Variants in XAB2 observed in about 807,000 individuals in gnomAD.
XAB2 encodes the protein XPA binding protein 2.
Under a neutral mutation model 113.4 loss-of-function variants are expected in XAB2, and 57 were observed. The observed-to-expected ratio is 0.50, with a 90% CI of 0.41 to 0.63. The LOEUF (loss-of-function observed/expected upper bound fraction) is 0.63, where lower values mean the gene tolerates loss of function less well. XAB2 is among the 20% of genes least tolerant of loss of function. The pLI is 0.00. For missense variants in XAB2, 1,037 were observed against 1,233.3 expected (o/e 0.84, Z 2.38); for synonymous variants, 497 against 498.8 (o/e 1.00, Z 0.05).
rs1400254631 is a variant in XAB2, at chr19:7,628,889, CAGG to C, written c.51+585_51+587del. 9.9e-5 allele frequency among the ~76,000 whole-genome samples: 15 copies of C among 152,220 alleles called. No individual in the cohort carries two copies. ...AATTAAAAGCTAGGCCTTTATCTCA[CAGG>C]AGGAGTTATACACCAGAAGCCAAGC... On this transcript the variant is annotated intron_variant, in intron 1 of 18. Coordinates refer to ENST00000358368, the MANE Select transcript of XAB2 (RefSeq NM_020196.3). This position sits in a 1 kb window ranked among gnomAD's most constrained non-coding sequence, Gnocchi z 4.6.
intron 12 of XAB2, chr19:7,621,643 C>G (rs890002690): frequency 1.8e-5 from 6 of 337,506 alleles, no homozygotes; most frequent in African/African-American, 1.0e-4. Context: ...CAGGCAGTAG[C>G]ACGCGTATGC....
chr19:7,622,934 C>T lies in XAB2; in HGVS notation c.1240-41G>A, dbSNP rs754670246. On this transcript the variant is annotated intron_variant, in intron 9 of 18. Coordinates refer to ENST00000358368, the MANE Select transcript of XAB2 (RefSeq NM_020196.3). ...GAGGCGAGGCTGAGACCCTGCCCAC[C>T]TGGACAGCTCCCACCATCAAGGGTC... 4 of 1,604,308 alleles carry T rather than the reference C, an allele frequency of 2.5e-6. No homozygotes were observed. In the Admixed American group the frequency reaches 5.1e-5, roughly 21 times the overall value.
rs568905612 is a variant in XAB2, at chr19:7,624,365, C to G, written c.903G>C (p.Gln301His). 6.8e-6 allele frequency: 11 copies of G among 1,614,210 alleles called. No homozygotes were observed. In the African/African-American group the frequency reaches 1.3e-4, roughly 20 times the overall value. Residue 301 changes from glutamine to histidine, a missense_variant, in exon 7 of 19, where the codon CAG becomes CAC. Coordinates refer to ENST00000358368, the MANE Select transcript of XAB2 (RefSeq NM_020196.3). The surrounding 1 kb of genome is among the most constrained non-coding windows in gnomAD (Gnocchi z 4.2). ...TTGCAGCGATCATGCTCTCCTCGAA[C>G]TGGGCGTAGCTGTCAAACACCTGTG... ...DFTQVFDSYA[Q>H]FEESMIAAKM...
Position 7,622,518 on chromosome 19 carries a change from C to T in XAB2, c.1503+12G>A. On this transcript the variant is annotated intron_variant, in intron 11 of 18. Transcript: ENST00000358368. ...CCGGGGCCCCGTCCCTCCCCAGCCA[C>T]AGGCAGCTCACCTGGAAGGTGCCGA... 1.2e-6 allele frequency: 2 copies of T among 1,613,920 alleles called. No individual in the cohort carries two copies. The highest frequency in any genetic ancestry group is 2.2e-5 in the East Asian group (1 of 44,894).
At chr19:7,620,107 G>A (rs771586890) in intron 16 of XAB2, 32 bp from the exon 17 acceptor site, 37 of 1,604,874 alleles carry the variant, frequency 2.3e-5, no homozygotes, top group East Asian at 1.6e-4. Flanking sequence ...TCAGCGCCAC[G>A]GGGGCCCCTC....
chr19:7,620,751 T>C (rs1338267549), intron 14 of XAB2, 82 bp from the exon 15 acceptor site: 3 of 1,582,758 alleles, frequency 1.9e-6, no homozygotes, highest in Admixed American at 1.7e-5. Context: ...TCCCTGTGCT[T>C]CCAGAAGGCT....
chr19:7,625,826 A>C lies in XAB2; in HGVS notation c.822+54T>G. On this transcript the variant is annotated intron_variant, in intron 6 of 18. Transcript: ENST00000358368. The surrounding 1 kb of genome is among the most constrained non-coding windows in gnomAD (Gnocchi z 5.2). The stretch of plus-strand genomic sequence containing the variant: ...GTGCATGTGTCAACATGTGTCCCCG[A>C]GTGTCGGAGGGAGACCCCGCCCCGA... 6.5e-7 allele frequency: 1 copy of C among 1,548,706 alleles called. No homozygotes were observed. The highest frequency in any genetic ancestry group is 8.7e-7 in the Non-Finnish European group (1 of 1,143,504).
intron 14 of XAB2, 67 bp from the exon 15 acceptor site, chr19:7,620,736 G>A: frequency 6.3e-7 from 1 of 1,595,746 alleles, no homozygotes; most frequent in Non-Finnish European, 8.5e-7. Flanking sequence ...AACACACCAT[G>A]GCCATCCCTG....
Position 7,627,979 on chromosome 19 carries a change from C to T in XAB2, c.201-128G>A. ...GAGGGGTGACATGTCTCAGCAATGA[C>T]AGGGACAGACTGGGACATCAGAGAA... On this transcript the variant is annotated intron_variant, in intron 2 of 18. Transcript: ENST00000358368. This position sits in a 1 kb window ranked among gnomAD's most constrained non-coding sequence, Gnocchi z 4.5. 2 of 1,502,098 alleles carry T rather than the reference C, an allele frequency of 1.3e-6. No individual in the cohort carries two copies. The highest frequency in any genetic ancestry group is 2.3e-5 in the East Asian group (1 of 43,608). 93.0% of individuals were successfully genotyped at this position (1,502,098 alleles called of 1,614,324 possible). A position where few individuals can be genotyped will look rare whatever the true frequency, so the allele number is the denominator to read the frequency against.
Position 7,623,343 on chromosome 19 carries a change from T to C in XAB2, c.1120-54A>G. The C allele has an allele frequency of 6.3e-7, 1 of 1,599,058 alleles. No individual in the cohort carries two copies. The highest frequency in any genetic ancestry group is 8.5e-7 in the Non-Finnish European group (1 of 1,172,136). ...GGACTCAGGACCCTGCAGATGACGG[T>C]CGGGGCAGAGCTGTGGCTCTGAGGG... On this transcript the variant is annotated intron_variant, in intron 8 of 18. Coordinates refer to ENST00000358368, the MANE Select transcript of XAB2 (RefSeq NM_020196.3). The surrounding 1 kb of genome is among the most constrained non-coding windows in gnomAD (Gnocchi z 4.6).
chr19:7,619,894 G>A, intron 17 of XAB2, 38 bp from the exon 18 acceptor site: 1 of 1,609,720 alleles, frequency 6.2e-7, no homozygotes, highest in Non-Finnish European at 8.5e-7. Context: ...CCCCACCCCG[G>A]GCCCCCTTGG....
Position 7,624,311 on chromosome 19 carries a change from G to C in XAB2, c.957C>G (p.Arg319=), listed in dbSNP as rs2031095324. 6.2e-7 allele frequency: 1 copy of C among 1,613,382 alleles called. No homozygotes were observed. Among genetic ancestry groups the C allele is most frequent in the African/African-American group, 1.3e-5 (1 of 74,904 alleles). ...AKMETASELG[R]EEEDDVDLEL... is the part of the protein sequence containing the mutation. Reference sequence around the variant, plus strand: ...CCCCCAGAGGCTCACCCTCCTCCTCGCGCCCCAGCTCCGAGGCGGTCTCCA... The same window carrying C: ...CCCCCAGAGGCTCACCCTCCTCCTCCCGCCCCAGCTCCGAGGCGGTCTCCA... Residue 319 remains arginine, a synonymous_variant, in exon 7 of 19, where the codon CGC becomes CGG. Coordinates refer to ENST00000358368, the MANE Select transcript of XAB2 (RefSeq NM_020196.3). This position sits in a 1 kb window ranked among gnomAD's most constrained non-coding sequence, Gnocchi z 4.2.
rs1293546260 is a variant in XAB2, at chr19:7,622,536, G to A, written c.1497C>T (p.Thr499=). 1 of 1,613,754 alleles carries A rather than the reference G, an allele frequency of 6.2e-7. No individual in the cohort carries two copies. The highest frequency in any genetic ancestry group is 8.5e-7 in the Non-Finnish European group (1 of 1,180,042). ...CCAGCCACAGGCAGCTCACCTGGAAGGTGCCGAGGCTCTCCTCCAGGTCGG... is the reference window on the plus strand; with the variant it reads ...CCAGCCACAGGCAGCTCACCTGGAAAGTGCCGAGGCTCTCCTCCAGGTCGG... ...MLADLEESLG[T]FQSTKAVYDR... Residue 499 remains threonine, a synonymous_variant, in exon 11 of 19, where the codon ACC becomes ACT. Coordinates refer to ENST00000358368, the MANE Select transcript of XAB2 (RefSeq NM_020196.3).
Position 7,622,402 on chromosome 19 carries a change from C to T in XAB2, c.1546G>A (p.Ala516Thr), listed in dbSNP as rs200271935. The change falls in exon 12 of 19, where the codon GCA (alanine) becomes ACA (threonine). Residue 516 changes from alanine to threonine, a missense_variant. Coordinates refer to ENST00000358368, the MANE Select transcript of XAB2 (RefSeq NM_020196.3). ...TAGTTGATGACGATCTGGGGTGTTG[C>T]GATACGCAGGTCCAGGATGCGGTCG... ...VYDRILDLRI[A>T]TPQIVINYAM... The T allele has an allele frequency of 4.8e-5, 78 of 1,614,158 alleles. No homozygotes were observed. The East Asian group carries it at 1.3e-3, about 27-fold the overall frequency.
rs753996034 is a variant in XAB2, at chr19:7,623,834, C to G, written c.1016G>C (p.Ser339Thr). 4 of 1,609,710 alleles carry G rather than the reference C, an allele frequency of 2.5e-6. No homozygotes were observed. Among genetic ancestry groups the G allele is most frequent in the Non-Finnish European group, 3.4e-6 (4 of 1,178,974 alleles). The change falls in exon 8 of 19, where the codon AGC (serine) becomes ACC (threonine). Residue 339 changes from serine (S) to threonine (T), a missense_variant. Ser to Thr is a moderately conservative substitution (Grantham distance 58, BLOSUM62 1). Transcript: ENST00000358368. The surrounding 1 kb of genome is among the most constrained non-coding windows in gnomAD (Gnocchi z 4.6). Reference protein sequence around the residue: ...LRLARFEQLISRRPLLLNSVL... With the variant: ...LRLARFEQLITRRPLLLNSVL... ...GCTGTTGAGGAGCAGGGGCCGCCGG[C>G]TGATGAGCTGCTCGAAGCGGGCCAG...
chr19:7,623,194 A>G lies in XAB2; in HGVS notation c.1215T>C (p.Tyr405=), dbSNP rs199993817. ...CATCGTCCAGCTGTCCGTTGTCCTC[A>G]TAAAACTTGGCAAACGCCACCCACA... The part of the protein sequence containing the change: ...HTLWVAFAKF[Y]EDNGQLDDAR... Residue 405 remains tyrosine (Y), a synonymous_variant, in exon 9 of 19, where the codon TAT becomes TAC. Transcript: ENST00000358368. This position sits in a 1 kb window ranked among gnomAD's most constrained non-coding sequence, Gnocchi z 4.6. The G allele has an allele frequency of 9.3e-5, 150 of 1,613,716 alleles. No individual in the cohort carries two copies. The highest frequency in any genetic ancestry group is 1.2e-4 in the Non-Finnish European group (145 of 1,180,036).
At chr19:7,622,260 G>T in intron 12 of XAB2, 71 bp downstream of exon 12, 1 of 1,427,410 alleles carries the variant, frequency 7.0e-7, no homozygotes, top group African/African-American at 1.4e-5. Flanking sequence ...CAGCAGATTC[G>T]TAAGTTGCTG....
chr19:7,620,682 G>C lies in XAB2; in HGVS notation c.1972-13C>G. The stretch of plus-strand genomic sequence containing the variant: ...CGTCCGACAGCACCTGGACACCGGG[G>C]TTGGGGAGGCCGGGAGTGAGGCCGG... On this transcript the variant is annotated splice_polypyrimidine_tract_variant and intron_variant, in intron 14 of 18. Coordinates refer to ENST00000358368, the MANE Select transcript of XAB2 (RefSeq NM_020196.3). The C allele has an allele frequency of 1.9e-6, 3 of 1,611,988 alleles. No individual in the cohort carries two copies. Among genetic ancestry groups the C allele is most frequent in the Non-Finnish European group, 2.5e-6 (3 of 1,179,468 alleles).
chr19:7,628,294 T>G lies in XAB2; in HGVS notation c.56A>C (p.Glu19Ala), dbSNP rs980691895. The change falls in exon 2 of 19, where the codon GAA becomes GCA. Residue 19 changes from glutamate to alanine, a missense_variant. By Grantham distance (107) the Glu-to-Ala change is moderately radical. Coordinates refer to ENST00000358368, the MANE Select transcript of XAB2 (RefSeq NM_020196.3). This position sits in a 1 kb window ranked among gnomAD's most constrained non-coding sequence, Gnocchi z 4.6. ...RPERPDLVFE[E>A]EDLPYEEEIM... ...TTCCTCCTCATAGGGGAGGTCCTCT[T>G]CCTCCTGCCAGGGCCAGGGAATGGG... 2 of 1,613,838 alleles carry G rather than the reference T, an allele frequency of 1.2e-6. No homozygotes were observed.
Sources: allele counts gnomAD v4.1 joint callset (sites outside exome capture counted in the v4.1 genomes callset), GRCh38; gene constraint gnomAD v4.1.1; non-coding constraint Gnocchi (gnomAD v3.1); transcripts MANE v1.5; gene names NCBI Gene and HGNC (gene_info 2026-07-23, HGNC 2026-07-21).